The following MYO18B variants were observed in gnomAD, a reference collection of about 807,000 sequenced individuals.
The protein encoded by MYO18B is myosin XVIIIB.
In MYO18B, 204 loss-of-function variants were observed where a neutral mutation model predicts 273.0. That is an observed-to-expected ratio of 0.75 (90% CI 0.67 to 0.84). MYO18B has a LOEUF of 0.84. Ranked by LOEUF, MYO18B falls within the 40% of genes least tolerant of loss-of-function variation. MYO18B has a pLI of 0.00. For synonymous variants in MYO18B, 1,330 were observed against 1,305.7 expected (o/e 1.02, Z -0.40); for missense variants, 3,212 against 3,287.6 (o/e 0.98, Z 0.56).
chr22:25,978,717 G>A (rs1176412970), intron 39 of MYO18B, among the ~76,000 whole-genome samples: 10 of 152,204 alleles, frequency 6.6e-5, no homozygotes, highest in African/African-American at 2.2e-4. Context: ...ACTTTGGGAG[G>A]CTGAGGCAGG....
intron 33 of MYO18B, among the ~76,000 whole-genome samples, chr22:25,920,758 A>G (rs573992095): frequency 6.6e-6 from 1 of 152,348 alleles, no homozygotes; most frequent in East Asian, 1.9e-4. Flanking sequence ...CTCATAAAAC[A>G]ACACCCAGAT....
intron 34 of MYO18B, among the ~76,000 whole-genome samples, chr22:25,930,348 G>A (rs141383639): frequency 3.7e-4 from 56 of 151,808 alleles, no homozygotes; most frequent in African/African-American, 1.3e-3. Flanking sequence ...AGTAAACATA[G>A]TAAAAGACTT....
chr22:25,742,354 C>A (rs1479789383), intron 1 of MYO18B, 61 bp downstream of exon 1: 1 of 152,274 alleles, frequency 6.6e-6, no homozygotes, highest in Non-Finnish European at 1.5e-5. Flanking sequence ...TTTTAATTTT[C>A]CGGAATGCGC....
chr22:25,957,055 T>A (rs371806029), intron 39 of MYO18B, among the ~76,000 whole-genome samples: 4 of 152,152 alleles, frequency 2.6e-5, no homozygotes, highest in Non-Finnish European at 2.9e-5. Context: ...AGAGAAAAGC[T>A]CTTTCCTCCA....
intron 10 of MYO18B, among the ~76,000 whole-genome samples, chr22:25,784,154 G>T (rs1468889523): frequency 2.0e-5 from 3 of 152,192 alleles, no homozygotes; most frequent in Non-Finnish European, 4.4e-5. Flanking sequence ...TCAAAAACCT[G>T]CCAGCGCAGT....
the MYO18B span, among the ~76,000 whole-genome samples, chr22:26,042,813 C>G: frequency 5.3e-5 from 8 of 152,202 alleles, no homozygotes; most frequent in African/African-American, 1.9e-4. Flanking sequence ...CAGAACTAAG[C>G]AGGAGCAAGA....
At chr22:26,035,217 G>A (rs1441937968), downstream of MYO18B, among the ~76,000 whole-genome samples, 1 of 152,198 alleles carries the variant, frequency 6.6e-6, no homozygotes, top group African/African-American at 2.4e-5. Context: ...AACTGCAGTA[G>A]CAAATAACAA....
chr22:25,970,661 C>T (rs746978028), intron 39 of MYO18B, among the ~76,000 whole-genome samples: 3 of 152,244 alleles, frequency 2.0e-5, no homozygotes, highest in Non-Finnish European at 2.9e-5. Flanking sequence ...CTACATCTGT[C>T]CTTGTTCAGG....
chr22:25,991,914 T>TGAAAG (rs4049334), intron 39 of MYO18B, among the ~76,000 whole-genome samples: 93,339 of 151,476 alleles, frequency 0.62, 30,440 homozygotes, highest in African/African-American at 0.81. Context: ...GGGACAGACT[T>TGAAAG]GAAACTATCT....
intron 12 of MYO18B, among the ~76,000 whole-genome samples, chr22:25,804,780 G>A (rs536275547): frequency 5.9e-5 from 9 of 152,324 alleles, no homozygotes; most frequent in East Asian, 3.9e-4. Flanking sequence ...GCAAGGTCCC[G>A]GCAGCGAGAA....
chr22:25,783,948 C>T (rs1569013644), intron 10 of MYO18B, among the ~76,000 whole-genome samples: 1 of 152,216 alleles, frequency 6.6e-6, no homozygotes, highest in Non-Finnish European at 1.5e-5. Flanking sequence ...TGGTCCGTCA[C>T]CCATATGGAA....
rs35672001 is a variant in MYO18B, at chr22:25,847,078, C to CAA, written c.3553-340_3553-339dup. ...CTGGCAACGGAGTGAGACTCTGTCT[C>CAA]AAAAAAAAAAAAATAAAGAAAGAAA... On this transcript the variant is annotated intron_variant, in intron 19 of 43. Transcript: ENST00000335473. Among the ~76,000 whole-genome samples, 34,607 of 138,952 alleles carry CAA rather than the reference C, an allele frequency of 0.25. 4,622 individuals carry two copies. The highest frequency in any genetic ancestry group is 0.32 in the Admixed American group (4,483 of 13,916). 91.2% of individuals were successfully genotyped at this position (138,952 alleles called of 152,430 possible).
chr22:25,966,242 G>GTTTGTT (rs199728411), intron 39 of MYO18B, among the ~76,000 whole-genome samples: 7 of 152,070 alleles, frequency 4.6e-5, no homozygotes, highest in African/African-American at 1.4e-4. Flanking sequence ...TTTTTTGTTT[G>GTTTGTT]TTTGTTTTTG....
intron 11 of MYO18B, among the ~76,000 whole-genome samples, chr22:25,794,180 C>T (rs2087803366): frequency 1.3e-5 from 2 of 151,632 alleles, no homozygotes; most frequent in South Asian, 2.1e-4. Context: ...GATCCACCCA[C>T]CTCAGCCTCC....
chr22:26,057,288 C>T, the MYO18B span, among the ~76,000 whole-genome samples: 2 of 152,034 alleles, frequency 1.3e-5, no homozygotes, highest in Admixed American at 6.6e-5. Context: ...AATATGATGC[C>T]TCTAAAAGAT....
intron 40 of MYO18B, among the ~76,000 whole-genome samples, chr22:25,999,374 C>T (rs1294687472): frequency 6.6e-6 from 1 of 152,174 alleles, no homozygotes; most frequent in Non-Finnish European, 1.5e-5. Flanking sequence ...TGTTACTTCC[C>T]AGGCAACATT....
intron 42 of MYO18B, among the ~76,000 whole-genome samples, chr22:26,025,170 A>G (rs1601861160): frequency 1.3e-5 from 2 of 152,124 alleles, no homozygotes; most frequent in South Asian, 2.1e-4. Context: ...GCCCCCACCT[A>G]TTTCCCTGGG....
chr22:25,977,980 C>A (rs1279985389), intron 39 of MYO18B, among the ~76,000 whole-genome samples: 2 of 152,114 alleles, frequency 1.3e-5, no homozygotes, highest in Non-Finnish European at 2.9e-5. Context: ...GTTGGTAAGA[C>A]CTGCTGCATG....
intron 27 of MYO18B, among the ~76,000 whole-genome samples, chr22:25,893,766 TCCATCCAC>T (rs552222193): frequency 0.05 from 7,513 of 151,474 alleles, 462 homozygotes; most frequent in African/African-American, 0.14. Flanking sequence ...CATCTATCCA[TCCATCCAC>T]CCATCCACCC....
Sources: allele counts gnomAD v4.1 joint callset (sites outside exome capture counted in the v4.1 genomes callset), GRCh38; gene constraint gnomAD v4.1.1; transcripts MANE v1.5; gene names NCBI Gene and HGNC (gene_info 2026-07-23, HGNC 2026-07-21).